Variants in NAV2 observed in about 807,000 individuals in gnomAD.
NAV2 encodes the protein neuron navigator 2, also known as helicase, APC down-regulated 1.
In NAV2, 54 loss-of-function variants were observed where a neutral mutation model predicts 223.2. The observed-to-expected ratio is 0.24, with a 90% CI of 0.19 to 0.30. NAV2 has a LOEUF of 0.30. NAV2 is among the 10% of genes least tolerant of loss of function. The probability of loss-of-function intolerance (pLI) is 1.00; values close to 1 mark genes in which losing one functional copy is unlikely to be tolerated. For synonymous variants in NAV2, 1,279 were observed against 1,239.3 expected (o/e 1.03, Z -0.67); for missense variants, 2,806 against 3,147.5 (o/e 0.89, Z 2.60).
chr11:19,841,542 C>T (rs1414663004), intron 2 of NAV2, among the ~76,000 whole-genome samples: 1 of 152,120 alleles, frequency 6.6e-6, no homozygotes, highest in African/African-American at 2.4e-5. Flanking sequence ...GTAAACTATA[C>T]ACGTCTGCTA....
chr11:19,358,101 A>G (rs75491316), intron 1 of NAV2, among the ~76,000 whole-genome samples: 1,859 of 152,172 alleles, frequency 0.012, 24 homozygotes, highest in Middle Eastern at 0.034. Flanking sequence ...CACAATAATG[A>G]CATCTCTGAC....
At chr11:19,648,976 G>A (rs2047892941) in intron 1 of NAV2, among the ~76,000 whole-genome samples, 1 of 152,052 alleles carries the variant, frequency 6.6e-6, no homozygotes, top group South Asian at 2.1e-4. Context: ...TTGATGTTTT[G>A]TAATTGGGTT....
intron 11 of NAV2, among the ~76,000 whole-genome samples, chr11:20,014,053 A>G (rs1404772479): frequency 1.3e-5 from 2 of 152,202 alleles, no homozygotes; most frequent in African/African-American, 4.8e-5. Flanking sequence ...GGCCAGTGGG[A>G]AAACTTTGGG....
At chr11:20,082,505 A>C (rs749639166) in intron 25 of NAV2, 51 of 1,377,518 alleles carry the variant, frequency 3.7e-5, no homozygotes, top group Non-Finnish European at 4.8e-5. Flanking sequence ...TGAAAGTCCG[A>C]AGCTTTCCCT....
intron 2 of NAV2, among the ~76,000 whole-genome samples, chr11:19,842,010 G>C (rs1018610136): frequency 2.0e-5 from 3 of 152,154 alleles, no homozygotes; most frequent in Admixed American, 6.5e-5. Context: ...ACGCTAAGAA[G>C]CTCTGCAGCT....
At chr11:20,047,978 T>C (rs1177290139) in intron 14 of NAV2, among the ~76,000 whole-genome samples, 1 of 152,190 alleles carries the variant, frequency 6.6e-6, no homozygotes, top group Non-Finnish European at 1.5e-5. Context: ...GGGGCATTTA[T>C]GTCATTCCTT....
chr11:19,375,434 T>G (rs941246448), intron 1 of NAV2, among the ~76,000 whole-genome samples: 2 of 152,168 alleles, frequency 1.3e-5, no homozygotes, highest in South Asian at 4.1e-4. Context: ...GCAAAATTCT[T>G]TGGGGTCCTA....
chr11:19,872,063 G>A (rs1038600570), intron 4 of NAV2, among the ~76,000 whole-genome samples: 1 of 152,152 alleles, frequency 6.6e-6, no homozygotes, highest in Non-Finnish European at 1.5e-5. Flanking sequence ...GTGAACTGCT[G>A]CATTCCTTTG....
rs904401708 is a variant in NAV2, at chr11:20,051,779, C to A, written c.4481+446C>A. 5.9e-5 allele frequency among the ~76,000 whole-genome samples: 9 copies of A among 152,146 alleles called. No homozygotes were observed. The South Asian group carries it at 1.9e-3, about 32-fold the overall frequency. ...TTTCCCCCAATTTGAAAATATTTAA[C>A]TTTTCTGCCCATAAAAAATTGCTAG... On this transcript the variant is annotated intron_variant, in intron 17 of 37. Coordinates refer to ENST00000349880, the MANE Select transcript of NAV2 (RefSeq NM_145117.5).
At chr11:19,878,668 G>A (rs2063006467) in intron 4 of NAV2, among the ~76,000 whole-genome samples, 1 of 152,188 alleles carries the variant, frequency 6.6e-6, no homozygotes, top group Non-Finnish European at 1.5e-5. Context: ...GATGCTCCAA[G>A]GGAAATAATT....
chr11:19,521,308 C>T (rs577236490), intron 1 of NAV2, among the ~76,000 whole-genome samples: 1 of 152,128 alleles, frequency 6.6e-6, no homozygotes, highest in African/African-American at 2.4e-5. Context: ...TCTTGGAGAC[C>T]ATGGACCCAG....
chr11:19,692,726 T>C (rs2049214742), intron 1 of NAV2, among the ~76,000 whole-genome samples: 1 of 152,222 alleles, frequency 6.6e-6, no homozygotes, highest in African/African-American at 2.4e-5. Context: ...CAAATATGCA[T>C]TGAGTACCTG....
chr11:19,384,887 T>G (rs897775763), intron 1 of NAV2: 1 of 152,182 alleles, frequency 6.6e-6, no homozygotes, highest in African/African-American at 2.4e-5. Flanking sequence ...AAAAATGTGC[T>G]TTTGCAAGAA....
upstream of NAV2, chr11:19,712,675 C>G (rs1327236360): frequency 6.6e-6 from 1 of 152,300 alleles, no homozygotes; most frequent in East Asian, 1.9e-4. Context: ...GCTTTGTACT[C>G]GCGGCCAAGC....
intron 10 of NAV2, among the ~76,000 whole-genome samples, chr11:19,960,623 T>TTATTTATC (rs907728739): frequency 6.6e-5 from 10 of 150,822 alleles, no homozygotes; most frequent in Admixed American, 5.9e-4. Context: ...ATTTATTTAT[T>TTATTTATC]TATTTTTTGA....
intron 1 of NAV2, among the ~76,000 whole-genome samples, chr11:19,492,816 G>A (rs545211625): frequency 8.5e-5 from 13 of 152,206 alleles, no homozygotes; most frequent in South Asian, 4.2e-4. Flanking sequence ...TTCAATACTC[G>A]TATTATTACA....
chr11:19,933,885 G>A lies in NAV2; in HGVS notation c.1641G>A (p.Gly547=). 1 of 1,596,828 alleles carries A rather than the reference G, an allele frequency of 6.3e-7. No individual in the cohort carries two copies. Among genetic ancestry groups the A allele is most frequent in the Non-Finnish European group, 8.5e-7 (1 of 1,173,968 alleles). ...TTGCCAGCTTCATCCCCAAAGGGGG[G>A]AAGCTCAACAGTGCCAAGAAGGAGC... The part of the protein sequence containing the change: ...SKIASFIPKG[G]KLNSAKKEPM... Residue 547 remains glycine (G), a synonymous_variant, in exon 7 of 38, where the codon GGG becomes GGA. Coordinates refer to ENST00000349880, the MANE Select transcript of NAV2 (RefSeq NM_145117.5). This position sits in a 1 kb window ranked among gnomAD's most constrained non-coding sequence, Gnocchi z 4.3.
chr11:19,641,445 A>G (rs1012362181), intron 1 of NAV2, among the ~76,000 whole-genome samples: 6 of 151,662 alleles, frequency 4.0e-5, no homozygotes, highest in South Asian at 4.2e-4. Flanking sequence ...TGCTGCCTCT[A>G]TTCTTGCTAT....
intron 11 of NAV2, among the ~76,000 whole-genome samples, chr11:20,023,699 G>GGGGTGTGTGTGT (rs1554902313): frequency 2.4e-4 from 34 of 144,680 alleles, no homozygotes; most frequent in East Asian, 2.1e-3. Flanking sequence ...CAAATTGCTG[G>GGGGTGTGTGTGT]GTGTGTGTGT....
Sources: gnomAD v4.1 joint callset for allele counts (sites outside exome capture counted in the v4.1 genomes callset) on GRCh38, gnomAD v4.1.1 for gene constraint, Gnocchi (gnomAD v3.1) non-coding constraint, MANE v1.5 for transcripts, NCBI Gene and HGNC (gene_info 2026-07-23, HGNC 2026-07-21) for gene names.